The following SFMBT2 variants were observed in gnomAD, a reference collection of about 807,000 sequenced individuals.
SFMBT2 encodes the protein scm-like with four MBT domains protein 2.
Under a neutral mutation model 110.1 loss-of-function variants are expected in SFMBT2, and 38 were observed. The observed-to-expected ratio is 0.35, with a 90% CI of 0.27 to 0.45. The LOEUF is 0.45. SFMBT2 is among the 20% of genes least tolerant of loss of function. SFMBT2 has a pLI of 1.00. For missense variants in SFMBT2, 1,011 were observed against 1,094.9 expected, an observed-to-expected ratio of 0.92 and a Z score of 1.08; for synonymous variants, 425 against 425.4, an observed-to-expected ratio of 1.00 and a Z score of 0.01.
In SFMBT2 at chr10:7,163,947, T is replaced by G. The variant is rs749515517; in HGVS notation, c.2545-37A>C. ...GAAAGGCAGGTTAGAGAAGGGGCAGTGTGCACTGGGGTACACAGATGCGTC... is the reference window on the plus strand; with the variant it reads ...GAAAGGCAGGTTAGAGAAGGGGCAGGGTGCACTGGGGTACACAGATGCGTC... On this transcript the variant is annotated intron_variant, in intron 20 of 20. Transcript: ENST00000397167. This position sits in a 1 kb window ranked among gnomAD's most constrained non-coding sequence, Gnocchi z 4.8. 3.1e-6 allele frequency: 5 copies of G among 1,602,224 alleles called. No homozygotes were observed. Among genetic ancestry groups the G allele is most frequent in the Non-Finnish European group, 4.3e-6 (5 of 1,173,788 alleles).
At chr10:7,256,321 C>T (rs1035040676) in intron 7 of SFMBT2, among the ~76,000 whole-genome samples, 1 of 152,226 alleles carries the variant, frequency 6.6e-6, no homozygotes, top group African/African-American at 2.4e-5. Flanking sequence ...CCACTACAAC[C>T]TACAACCTAC....
Position 7,276,685 on chromosome 10 carries a change from G to A in SFMBT2, c.870+207C>T, listed in dbSNP as rs577629207. Among the ~76,000 whole-genome samples the A allele has an allele frequency of 1.5e-4, 23 of 152,080 alleles. No homozygotes were observed. The South Asian group carries it at 2.3e-3, about 15-fold the overall frequency. On this transcript the variant is annotated intron_variant, in intron 7 of 20. Transcript: ENST00000397167. ...CTGGGATTACAGGCACACACCACAC[G>A]CCTGGCTAATTTTTGTATTTTTAGT... is the stretch of plus-strand genomic sequence containing the variant.
At chr10:7,215,749 C>A in intron 11 of SFMBT2, 2 of 985,216 alleles carry the variant, frequency 2.0e-6, no homozygotes, top group Non-Finnish European at 2.4e-6. Context: ...GACATCAGGG[C>A]CTGACCTGCT....
chr10:7,191,509 G>A lies in SFMBT2; in HGVS notation c.1699-2776C>T, dbSNP rs76957066. ...TTCTTCTCTTAGGATTGTTCTTCCT[G>A]GGGAAACCCTTCCAGACCATCCCTC... On this transcript the variant is annotated intron_variant, in intron 15 of 20. Transcript: ENST00000397167. 4.3e-3 allele frequency among the ~76,000 whole-genome samples: 650 copies of A among 152,300 alleles called. 5 individuals are homozygous for A. Among genetic ancestry groups the A allele is most frequent in the African/African-American group, 0.015 (627 of 41,554 alleles).
chr10:7,355,121 C>T (rs749227954), intron 4 of SFMBT2, among the ~76,000 whole-genome samples: 19 of 152,242 alleles, frequency 1.2e-4, no homozygotes, highest in Non-Finnish European at 2.4e-4. Context: ...TTCTTTTCAT[C>T]AAAATACGTA....
intron 4 of SFMBT2, among the ~76,000 whole-genome samples, chr10:7,364,605 T>C (rs919052600): frequency 7.2e-5 from 11 of 152,354 alleles, no homozygotes; most frequent in Non-Finnish European, 1.5e-4. Flanking sequence ...AGAGAAGCTA[T>C]TACAAAATGA....
intron 4 of SFMBT2, among the ~76,000 whole-genome samples, chr10:7,326,045 T>A (rs1843373920): frequency 6.6e-6 from 1 of 152,092 alleles, no homozygotes; most frequent in Non-Finnish European, 1.5e-5. Context: ...CCAGAAAAAA[T>A]AAATGTACAC....
intron 7 of SFMBT2, among the ~76,000 whole-genome samples, chr10:7,258,956 C>T (rs973685676): frequency 6.6e-6 from 1 of 152,156 alleles, no homozygotes; most frequent in South Asian, 2.1e-4. Context: ...AGGTAAAGAG[C>T]GATTTTGTCT....
intron 9 of SFMBT2, among the ~76,000 whole-genome samples, chr10:7,236,753 C>A (rs918695572): frequency 6.6e-6 from 1 of 151,870 alleles, no homozygotes; most frequent in Admixed American, 6.6e-5. Context: ...ACAATGCATA[C>A]AGGGAAAGAT....
intron 6 of SFMBT2, 106 bp downstream of exon 6, chr10:7,283,798 G>C: frequency 1.2e-6 from 1 of 820,836 alleles, no homozygotes; most frequent in Non-Finnish European, 2.0e-6. Flanking sequence ...CACATACTCA[G>C]ATATAAAAGA....
At chr10:7,227,716 C>T (rs371886034) in intron 10 of SFMBT2, 139 bp downstream of exon 10, 1 of 707,912 alleles carries the variant, frequency 1.4e-6, no homozygotes, top group Non-Finnish European at 2.3e-6. Context: ...CAGAGCTTTC[C>T]AAAAACTACA....
rs965613819 is a variant in SFMBT2 at position 7,250,244 on chromosome 10, C to A, written c.871-1595G>T. On this transcript the variant is annotated intron_variant, in intron 7 of 20. Transcript: ENST00000397167. ...TTTTCGACCCATGACTCATTTCCCC[C>A]CTCCCCTCTAGTAGTCTCCAGTGTC... Among the ~76,000 whole-genome samples, 10 of 152,218 alleles carry A rather than the reference C, an allele frequency of 6.6e-5. No individual in the cohort carries two copies. The South Asian group carries it at 2.1e-3, about 32-fold the overall frequency.
intron 1 of SFMBT2, among the ~76,000 whole-genome samples, chr10:7,388,080 ATCACGCCCAT>A (rs1845664506): frequency 6.6e-6 from 1 of 152,212 alleles, no homozygotes; most frequent in Non-Finnish European, 1.5e-5. Context: ...AGCAAGCGGC[ATCACGCCCAT>A]TCATCCCCAA....
chr10:7,373,348 G>A (rs535797365), intron 2 of SFMBT2, among the ~76,000 whole-genome samples: 1 of 152,312 alleles, frequency 6.6e-6, no homozygotes, highest in East Asian at 1.9e-4. Flanking sequence ...GCAGCCACCA[G>A]AATCAGGAGT....
At chr10:7,318,612 T>C (rs932744652) in intron 4 of SFMBT2, among the ~76,000 whole-genome samples, 5 of 152,246 alleles carry the variant, frequency 3.3e-5, no homozygotes, top group South Asian at 2.1e-4. Context: ...AGCCACAATA[T>C]GACACATCAG....
At chr10:7,356,294 G>T (rs77761016) in intron 4 of SFMBT2, among the ~76,000 whole-genome samples, 1 of 152,158 alleles carries the variant, frequency 6.6e-6, no homozygotes, top group Non-Finnish European at 1.5e-5. Flanking sequence ...TCATGTGTTC[G>T]TTTTTTTCCT....
Sources: allele counts gnomAD v4.1 joint callset (sites outside exome capture counted in the v4.1 genomes callset), GRCh38; gene constraint gnomAD v4.1.1; non-coding constraint Gnocchi (gnomAD v3.1); transcripts MANE v1.5; gene names NCBI Gene and HGNC (gene_info 2026-07-23, HGNC 2026-07-21).